PARD6G: variants seen among roughly 807,000 people sequenced by gnomAD.
PARD6G encodes the protein partitioning defective 6 homolog gamma.
Under a neutral mutation model 10.7 loss-of-function variants are expected in PARD6G, and 7 were observed. The observed-to-expected ratio is 0.66, with a 90% CI of 0.37 to 1.23. PARD6G has a LOEUF of 1.23. Among genes scored for constraint, PARD6G ranks in the 50% most tolerant of loss-of-function variants. The probability of loss-of-function intolerance (pLI) is 0.02; values close to 1 mark genes in which losing one functional copy is unlikely to be tolerated. For synonymous variants in PARD6G, 287 were observed against 269.4 expected (o/e 1.07, Z -0.64); for missense variants, 548 against 571.8 (o/e 0.96, Z 0.42).
At chr18:80,169,388 T>G (rs1291284721) in intron 2 of PARD6G, 1 of 152,200 alleles carries the variant, frequency 6.6e-6, no homozygotes, top group Non-Finnish European at 1.5e-5. Context: ...CTGCTTTGCC[T>G]CCCTTGGCAG....
chr18:80,238,049 T>C (rs868773382), intron 1 of PARD6G, among the ~76,000 whole-genome samples: 11 of 152,218 alleles, frequency 7.2e-5, no homozygotes, highest in African/African-American at 2.4e-4. Flanking sequence ...CATGCACACG[T>C]ATGTTTACTG....
intron 2 of PARD6G, among the ~76,000 whole-genome samples, chr18:80,186,679 G>A (rs376742591): frequency 1.8e-4 from 28 of 152,240 alleles, no homozygotes; most frequent in East Asian, 1.5e-3. Flanking sequence ...CACGTGATAC[G>A]CAAGCAAGTG....
Position 80,174,121 on chromosome 18 carries a change from G to A in PARD6G, c.296-13515C>T, listed in dbSNP as rs140436600. Among the ~76,000 whole-genome samples, 592 of 152,218 alleles carry A rather than the reference G, an allele frequency of 3.9e-3. 3 individuals carry two copies. The highest frequency in any genetic ancestry group is 0.013 in the African/African-American group (558 of 41,538). On this transcript the variant is annotated intron_variant, in intron 2 of 2. Transcript: ENST00000353265. ...CACAGGGCTCCTGTAAAACCCCAAG[G>A]CTGTGCCTAGAGCCCTCACCTTTTG...
At chr18:80,190,783 G>A (rs1446504751) in intron 2 of PARD6G, among the ~76,000 whole-genome samples, 1 of 152,150 alleles carries the variant, frequency 6.6e-6, no homozygotes, top group African/African-American at 2.4e-5. Flanking sequence ...ACTCCTCTGT[G>A]AGGCCCTGCA....
At chr18:80,216,491 T>C (rs1428679124) in intron 1 of PARD6G, among the ~76,000 whole-genome samples, 1 of 151,770 alleles carries the variant, frequency 6.6e-6, no homozygotes, top group Admixed American at 6.6e-5. Context: ...CACAAATAAG[T>C]GCTAATTAAA....
chr18:80,161,538 ACT>A lies in PARD6G; in HGVS notation c.296-934_296-933del, dbSNP rs1218884688. ...GTGAAGAGACTGGTGGCATTTGGAA[ACT>A]CTGAATAATGCATTTTCCTCATGTC... On this transcript the variant is annotated intron_variant, in intron 2 of 2. Transcript: ENST00000353265. This position sits in a 1 kb window ranked among gnomAD's most constrained non-coding sequence, Gnocchi z 4.6. Among the ~76,000 whole-genome samples the A allele has an allele frequency of 1.1e-4, 17 of 152,066 alleles. No individual in the cohort carries two copies. The highest frequency in any genetic ancestry group is 3.1e-4 in the African/African-American group (13 of 41,392).
intron 2 of PARD6G, among the ~76,000 whole-genome samples, chr18:80,166,091 T>G (rs77286055): frequency 4.5e-4 from 69 of 152,000 alleles, no homozygotes; most frequent in African/African-American, 1.4e-3. Context: ...AAAAAAAAAT[T>G]ATCATTTCCG....
At chr18:80,217,431 G>A (rs1967180991) in intron 1 of PARD6G, among the ~76,000 whole-genome samples, 1 of 152,136 alleles carries the variant, frequency 6.6e-6, no homozygotes, top group African/African-American at 2.4e-5. Flanking sequence ...TAAAAAGGGG[G>A]AAGAAAGAGT....
intron 2 of PARD6G, among the ~76,000 whole-genome samples, chr18:80,168,635 T>C (rs1293532014): frequency 6.6e-6 from 1 of 151,626 alleles, no homozygotes; most frequent in Non-Finnish European, 1.5e-5. Context: ...TTTTTTTTTT[T>C]TGGAGACAGT....
At chr18:80,176,890 A>G (rs1404834107) in intron 2 of PARD6G, among the ~76,000 whole-genome samples, 1 of 152,074 alleles carries the variant, frequency 6.6e-6, no homozygotes, top group Admixed American at 6.6e-5. Context: ...CCAGATGGGA[A>G]GCACGCACAC....
At chr18:80,208,654 A>T (rs908354937) in intron 1 of PARD6G, among the ~76,000 whole-genome samples, 7 of 152,162 alleles carry the variant, frequency 4.6e-5, no homozygotes, top group African/African-American at 1.7e-4. Flanking sequence ...CTGTAGTCCC[A>T]GCTACTTGGA....
Position 80,189,942 on chromosome 18 carries a change from T to C in PARD6G, c.295+12768A>G, listed in dbSNP as rs1966883351. Among the ~76,000 whole-genome samples the C allele has an allele frequency of 2.6e-5, 4 of 152,328 alleles. No individual in the cohort carries two copies. The East Asian group carries it at 5.8e-4, about 22-fold the overall frequency. On this transcript the variant is annotated intron_variant, in intron 2 of 2. Transcript: ENST00000353265. This position sits in a 1 kb window ranked among gnomAD's most constrained non-coding sequence, Gnocchi z 5.5. ...TTAAAGTGTACAATTCAGTGTTTTT[T>C]AGTATATTCAGTGTTGTGTAACCAC...
intron 1 of PARD6G, among the ~76,000 whole-genome samples, chr18:80,238,065 C>T (rs929401802): frequency 6.6e-6 from 1 of 152,192 alleles, no homozygotes; most frequent in Non-Finnish European, 1.5e-5. Context: ...TACTGCGGCA[C>T]TGTTCACAAT....
intron 1 of PARD6G, among the ~76,000 whole-genome samples, chr18:80,218,533 G>A (rs1967194969): frequency 6.6e-6 from 1 of 152,220 alleles, no homozygotes; most frequent in South Asian, 2.1e-4. Context: ...CTGTGGCTTT[G>A]TCAGGTACGG....
At chr18:80,210,760 A>T (rs1229072383) in intron 1 of PARD6G, among the ~76,000 whole-genome samples, 3 of 152,230 alleles carry the variant, frequency 2.0e-5, no homozygotes, top group African/African-American at 7.2e-5. Context: ...ACTCCCTGCC[A>T]ATTTTACATC....
intron 2 of PARD6G, among the ~76,000 whole-genome samples, chr18:80,196,777 C>T (rs1327377606): frequency 6.6e-6 from 1 of 151,284 alleles, no homozygotes; most frequent in African/African-American, 2.4e-5. Context: ...TGACAAGCTA[C>T]ATCAGCACAT....
At chr18:80,169,992 C>T (rs943443832) in intron 2 of PARD6G, 1 of 152,228 alleles carries the variant, frequency 6.6e-6, no homozygotes, top group African/African-American at 2.4e-5. Flanking sequence ...CACACCACGT[C>T]GGAGACTTCA....
chr18:80,162,854 A>G (rs2052709913), intron 2 of PARD6G, among the ~76,000 whole-genome samples: 2 of 152,124 alleles, frequency 1.3e-5, no homozygotes, highest in South Asian at 4.1e-4. Flanking sequence ...ATGAGGAGAG[A>G]CTACCTGTAG....
At chr18:80,168,365 ATT>A (rs1212699319) in intron 2 of PARD6G, among the ~76,000 whole-genome samples, 25 of 152,138 alleles carry the variant, frequency 1.6e-4, no homozygotes, top group Admixed American at 7.9e-4. Context: ...TAGAAATAAA[ATT>A]TGTTTTAAAG....
Sources: allele counts gnomAD v4.1 joint callset (sites outside exome capture counted in the v4.1 genomes callset), GRCh38; gene constraint gnomAD v4.1.1; non-coding constraint Gnocchi (gnomAD v3.1); transcripts MANE v1.5; gene names NCBI Gene and HGNC (gene_info 2026-07-23, HGNC 2026-07-21).